Variants in GBE1 observed in about 807,000 individuals in gnomAD.
The protein encoded by GBE1 is 1,4-alpha-glucan branching enzyme 1, also known as 1,4-alpha-glucan-branching enzyme.
Under a neutral mutation model 88.8 loss-of-function variants are expected in GBE1, and 70 were observed. That is an observed-to-expected ratio of 0.79 (90% CI 0.65 to 0.96). The LOEUF is 0.96. GBE1 is among the 40% of genes least tolerant of loss of function. The pLI, the probability that GBE1 is intolerant of heterozygous loss-of-function variation, is 0.00. For missense variants in GBE1, 872 were observed against 871.0 expected (o/e 1.00, Z -0.01); for synonymous variants, 284 against 300.1 (o/e 0.95, Z 0.56).
chr3:81,554,927 G>A (rs1260971556), intron 12 of GBE1, among the ~76,000 whole-genome samples: 1 of 152,132 alleles, frequency 6.6e-6, no homozygotes, highest in African/African-American at 2.4e-5. Flanking sequence ...TTTGCCTTTG[G>A]ATGATGCTTC....
At chr3:81,730,836 C>A (rs1483446093) in intron 1 of GBE1, among the ~76,000 whole-genome samples, 1 of 152,174 alleles carries the variant, frequency 6.6e-6, no homozygotes, top group Non-Finnish European at 1.5e-5. Context: ...CATCTACAGA[C>A]ATGGAGTCTG....
chr3:81,572,533 T>TAATTTTTAA (rs1703588913), intron 12 of GBE1, among the ~76,000 whole-genome samples: 1 of 152,224 alleles, frequency 6.6e-6, no homozygotes, highest in South Asian at 2.1e-4. Context: ...AATTTATGAT[T>TAATTTTTAA]AATTTTTAAA....
At chr3:81,491,498 T>C (rs1217442802) in intron 15 of GBE1, among the ~76,000 whole-genome samples, 1 of 152,202 alleles carries the variant, frequency 6.6e-6, no homozygotes, top group Non-Finnish European at 1.5e-5. Context: ...TAACAAGATA[T>C]TCTCTAATAT....
At chr3:81,647,435 A>T (rs1704781029) in intron 5 of GBE1, among the ~76,000 whole-genome samples, 1 of 152,158 alleles carries the variant, frequency 6.6e-6, no homozygotes, top group Non-Finnish European at 1.5e-5. Flanking sequence ...TGACTCAAAA[A>T]AGTAGATATT....
At chr3:81,690,262 TC>T (rs1705501056) in intron 2 of GBE1, among the ~76,000 whole-genome samples, 1 of 152,200 alleles carries the variant, frequency 6.6e-6, no homozygotes, top group African/African-American at 2.4e-5. Flanking sequence ...AGTCATATGT[TC>T]ATCCCCTCAG....
intron 7 of GBE1, among the ~76,000 whole-genome samples, chr3:81,604,838 T>C (rs1377511346): frequency 2.0e-5 from 3 of 152,126 alleles, no homozygotes; most frequent in African/African-American, 4.8e-5. Context: ...TTTTCTTCCT[T>C]TCCCCCCACA....
At chr3:81,671,083 G>T in intron 2 of GBE1, 130 bp from the exon 3 acceptor site, 1 of 459,410 alleles carries the variant, frequency 2.2e-6, no homozygotes, top group Non-Finnish European at 3.8e-6. Flanking sequence ...TTTCTGAAGT[G>T]TTAATCAAAA....
intron 7 of GBE1, among the ~76,000 whole-genome samples, chr3:81,615,128 G>A (rs909180579): frequency 2.6e-5 from 4 of 152,086 alleles, no homozygotes; most frequent in African/African-American, 9.7e-5. Flanking sequence ...GCCAAATGCC[G>A]TCAAGAGGGA....
intron 1 of GBE1, among the ~76,000 whole-genome samples, chr3:81,708,295 C>T (rs1046721492): frequency 6.6e-6 from 1 of 151,790 alleles, no homozygotes; most frequent in Non-Finnish European, 1.5e-5. Flanking sequence ...ATAAGTTTGT[C>T]ATAAAAAAGT....
At chr3:81,586,965 T>C (rs999298700) in intron 9 of GBE1, among the ~76,000 whole-genome samples, 5 of 152,056 alleles carry the variant, frequency 3.3e-5, no homozygotes, top group African/African-American at 1.2e-4. Flanking sequence ...ATATTTTTTA[T>C]ATTTTTGATA....
intron 7 of GBE1, among the ~76,000 whole-genome samples, chr3:81,594,368 C>T (rs931775911): frequency 6.6e-6 from 1 of 151,588 alleles, no homozygotes. Flanking sequence ...TAGTAGTGCT[C>T]GAAAAAAGCA....
chr3:81,530,655 T>C (rs979111173), intron 14 of GBE1, among the ~76,000 whole-genome samples: 1 of 151,954 alleles, frequency 6.6e-6, no homozygotes, highest in African/African-American at 2.4e-5. Flanking sequence ...CTTCCTTTAC[T>C]TTCCCCTAAA....
intron 7 of GBE1, among the ~76,000 whole-genome samples, chr3:81,641,892 AATAC>A (rs1283564956): frequency 6.7e-6 from 1 of 149,920 alleles, no homozygotes; most frequent in Non-Finnish European, 1.5e-5. Context: ...TTTTTTCAAA[AATAC>A]ATACACATAT....
chr3:81,648,158 ACT>A (rs1364818983), intron 5 of GBE1, among the ~76,000 whole-genome samples: 1 of 151,976 alleles, frequency 6.6e-6, no homozygotes, highest in Non-Finnish European at 1.5e-5. Flanking sequence ...CAAAATTTGG[ACT>A]CTCTAGCAGA....
intron 3 of GBE1, among the ~76,000 whole-genome samples, chr3:81,670,078 G>A (rs1705168572): frequency 6.6e-6 from 1 of 152,132 alleles, no homozygotes; most frequent in Non-Finnish European, 1.5e-5. Flanking sequence ...ATAATTATAT[G>A]ACCATGGAGT....
intron 2 of GBE1, among the ~76,000 whole-genome samples, chr3:81,678,690 A>AGTAGTCTTCCAGGATT (rs1158623471): frequency 1.3e-5 from 2 of 152,202 alleles, no homozygotes. Context: ...TGCACAGATT[A>AGTAGTCTTCCAGGATT]GTAGTCTTCC....
chr3:81,691,684 CAGA>C (rs1481661385), intron 2 of GBE1, among the ~76,000 whole-genome samples: 1 of 152,028 alleles, frequency 6.6e-6, no homozygotes, highest in Non-Finnish European at 1.5e-5. Flanking sequence ...GAAGCTGAGG[CAGA>C]AGAACTGCTG....
At chr3:81,728,514 T>C (rs1186617374) in intron 1 of GBE1, among the ~76,000 whole-genome samples, 1 of 152,126 alleles carries the variant, frequency 6.6e-6, no homozygotes, top group Admixed American at 6.6e-5. Context: ...GAAAAGAAAC[T>C]GGACACAGTA....
Position 81,581,237 on chromosome 3 carries a change from GC to G in GBE1, c.1373del (p.Gly458AlafsTer3). On this transcript the variant is annotated frameshift_variant, in exon 11 of 16. Coordinates refer to ENST00000429644, the MANE Select transcript of GBE1 (RefSeq NM_000158.4). LOFTEE classifies it high-confidence loss of function. ...KEFKDEDWNM[G>X]DIVYTLTNRR... ...TGTTTGTGAGCGTGTATACTATATC[GC>G]CCATGTTCCAGTCTTCATCTTTAAA... 5.0e-6 allele frequency: 8 copies of G among 1,600,244 alleles called. No homozygotes were observed. Among genetic ancestry groups the G allele is most frequent in the Non-Finnish European group, 6.8e-6 (8 of 1,174,608 alleles).
Sources: allele counts gnomAD v4.1 joint callset (sites outside exome capture counted in the v4.1 genomes callset), GRCh38; gene constraint gnomAD v4.1.1; transcripts MANE v1.5; gene names NCBI Gene and HGNC (gene_info 2026-07-23, HGNC 2026-07-21).